CSNK1D: variants seen among roughly 807,000 people sequenced by gnomAD.
CSNK1D encodes casein kinase I isoform delta.
A neutral mutation model predicts 46.6 loss-of-function variants in CSNK1D; 16 were observed. The observed-to-expected ratio is 0.34, with a 90% CI of 0.23 to 0.52. The LOEUF (loss-of-function observed/expected upper bound fraction) is 0.52. Ranked by LOEUF, CSNK1D falls within the 20% of genes least tolerant of loss-of-function variation. CSNK1D has a pLI of 0.95. For synonymous variants in CSNK1D, 276 were observed against 228.2 expected, an observed-to-expected ratio of 1.21 and a Z score of -1.89; for missense variants, 398 against 578.4, an observed-to-expected ratio of 0.69 and a Z score of 3.20.
At position 82,251,926 on chromosome 17, in the gene CSNK1D, G is replaced by A. The variant is rs1488747572; in HGVS notation, c.737-399C>T. 4.0e-5 allele frequency: 13 copies of A among 323,978 alleles called. No individual in the cohort carries two copies. Among genetic ancestry groups the A allele is most frequent in the East Asian group, 2.5e-4 (3 of 11,988 alleles). 20.1% of individuals were successfully genotyped at this position (323,978 alleles called of 1,614,324 possible). A position where few individuals can be genotyped will look rare whatever the true frequency, so the allele number is the denominator to read the frequency against. On this transcript the variant is annotated intron_variant, in intron 5 of 8. Coordinates refer to ENST00000314028, the MANE Select transcript of CSNK1D (RefSeq NM_001893.6). The surrounding 1 kb of genome is among the most constrained non-coding windows in gnomAD (Gnocchi z 4.5). ...GGAGAATGGTATGAACCCGGGAGGC[G>A]GAGCTTGCAGTGAGCCGAGATCACG...
intron 3 of CSNK1D, chr17:82,253,849 G>A (rs1398783124): frequency 3.4e-5 from 9 of 263,240 alleles, no homozygotes; most frequent in African/African-American, 2.4e-4. Context: ...GGAGCCTCGA[G>A]AAGCCAGTCA....
At chr17:82,253,913 G>C in intron 3 of CSNK1D, 1 of 246,938 alleles carries the variant, frequency 4.0e-6, no homozygotes, top group South Asian at 3.3e-5. Flanking sequence ...GGAGCCTCGA[G>C]AAGCCAGTGA....
chr17:82,253,233 G>A lies in CSNK1D; in HGVS notation c.348C>T (p.Ile116=), dbSNP rs143215247. 4.3e-6 allele frequency: 7 copies of A among 1,613,868 alleles called. No individual in the cohort carries two copies. The highest frequency in any genetic ancestry group is 5.9e-6 in the Non-Finnish European group (7 of 1,179,872). Residue 116 remains isoleucine, a synonymous_variant, in exon 4 of 9, where the codon ATC becomes ATT. Transcript: ENST00000314028. ...TGAAGTTCTTTGAATGAATGTATTC[G>A]ATGCGACTGATCTGTGAGCAGAGCA... ...LLLADQMISR[I]EYIHSKNFIH...
rs1227746999 is a variant in CSNK1D, at chr17:82,250,292, C to T, written c.886-690G>A. ...TCCTGCAAGTACAGCTCATTGGACA[C>T]AGCCACGTTCACCAGGCAACACACA... On this transcript the variant is annotated intron_variant, in intron 6 of 8. Transcript: ENST00000314028. The surrounding 1 kb of genome is among the most constrained non-coding windows in gnomAD (Gnocchi z 4.6). 1 of 992,958 alleles carries T rather than the reference C, an allele frequency of 1.0e-6. No homozygotes were observed. Among genetic ancestry groups the T allele is most frequent in the African/African-American group, 1.7e-5 (1 of 59,872 alleles). The allele number at this position is 992,958 out of a possible 1,614,324, so 61.5% of individuals were successfully genotyped here.
downstream of CSNK1D, among the ~76,000 whole-genome samples, chr17:82,241,255 G>C (rs113161714): frequency 9.6e-4 from 146 of 152,088 alleles, 1 homozygote; most frequent in African/African-American, 3.2e-3. Flanking sequence ...CCTGTGCCGG[G>C]GGAGGTGGCG....
rs2050777526 is a variant in CSNK1D at position 82,243,507 on chromosome 17, G to A, written c.*1274C>T. 4.1e-6 allele frequency: 4 copies of A among 985,490 alleles called. No individual in the cohort carries two copies. Among genetic ancestry groups the A allele is most frequent in the Admixed American group, 6.1e-5 (1 of 16,284 alleles). The allele number at this position is 985,490 out of a possible 1,614,324, so 61.0% of individuals were successfully genotyped here. ...TCACGGAGGCCACCTGCCTTCTGGT[G>A]GGACTCGGCCCCACGCACGCTGCTT... is the stretch of plus-strand genomic sequence containing the variant. On this transcript the variant is annotated 3_prime_UTR_variant, in exon 9 of 9. Coordinates refer to ENST00000314028, the MANE Select transcript of CSNK1D (RefSeq NM_001893.6).
At chr17:82,245,971 C>T (rs2050840670) in intron 8 of CSNK1D, 3 of 1,601,174 alleles carry the variant, frequency 1.9e-6, no homozygotes, top group Admixed American at 1.7e-5. Context: ...CACGCGCACA[C>T]TCACCCAGTG....
At chr17:82,242,220 G>C (rs1019283830), downstream of CSNK1D, among the ~76,000 whole-genome samples, 156 of 151,720 alleles carry the variant, frequency 1.0e-3, no homozygotes, top group African/African-American at 3.4e-3. Context: ...TCTGGGGGGG[G>C]GGGGAAGAGG....
At position 82,249,691 on chromosome 17, in the gene CSNK1D, T is replaced by C; in HGVS notation, c.886-89A>G. The C allele has an allele frequency of 6.5e-7, 1 of 1,531,698 alleles. No homozygotes were observed. The highest frequency in any genetic ancestry group is 8.7e-7 in the Non-Finnish European group (1 of 1,144,948). 94.9% of individuals were successfully genotyped at this position (1,531,698 alleles called of 1,614,324 possible). ...AGGCTGCCCCGGCCACGTGAGAAAATACCTACCAAAGGGCACTGGGACGAG... is the reference window on the plus strand; with the variant it reads ...AGGCTGCCCCGGCCACGTGAGAAAACACCTACCAAAGGGCACTGGGACGAG... On this transcript the variant is annotated intron_variant, in intron 6 of 8. Coordinates refer to ENST00000314028, the MANE Select transcript of CSNK1D (RefSeq NM_001893.6). This position sits in a 1 kb window ranked among gnomAD's most constrained non-coding sequence, Gnocchi z 6.7.
At position 82,242,808 on chromosome 17, in the gene CSNK1D, G is replaced by A. The variant is rs979609853; in HGVS notation, c.*1973C>T. The A allele has an allele frequency of 6.1e-6, 6 of 985,340 alleles. No individual in the cohort carries two copies. Among genetic ancestry groups the A allele is most frequent in the Admixed American group, 6.1e-5 (1 of 16,268 alleles). The allele number at this position is 985,340 out of a possible 1,614,324, so 61.0% of individuals were successfully genotyped here. A position where few individuals can be genotyped will look rare whatever the true frequency, so the allele number is the denominator to read the frequency against. ...CCTACCTACGTCTCCTGCACGGGGC[G>A]ACGGGGACTAGATACTGGGCAAGGA... is the stretch of plus-strand genomic sequence containing the variant. On this transcript the variant is annotated 3_prime_UTR_variant, in exon 9 of 9. Coordinates refer to ENST00000314028, the MANE Select transcript of CSNK1D (RefSeq NM_001893.6).
At position 82,243,422 on chromosome 17, in the gene CSNK1D, G is replaced by C; in HGVS notation, c.*1359C>G. 1 of 985,518 alleles carries C rather than the reference G, an allele frequency of 1.0e-6. No homozygotes were observed. The highest frequency in any genetic ancestry group is 1.2e-6 in the Non-Finnish European group (1 of 829,972). 61.0% of individuals were successfully genotyped at this position (985,518 alleles called of 1,614,324 possible). Reference sequence around the variant, plus strand: ...CCGCCCAAGTGCTGCGGAGTGAGAGGCGAGAAGGCATCCTGGGAACCTCAG... The same window carrying C: ...CCGCCCAAGTGCTGCGGAGTGAGAGCCGAGAAGGCATCCTGGGAACCTCAG... On this transcript the variant is annotated 3_prime_UTR_variant, in exon 9 of 9. Transcript: ENST00000314028.
chr17:82,248,378 G>C lies in CSNK1D; in HGVS notation c.1197+497C>G, dbSNP rs1246723352. 1 of 1,001,696 alleles carries C rather than the reference G, an allele frequency of 1.0e-6. No homozygotes were observed. Among genetic ancestry groups the C allele is most frequent in the Non-Finnish European group, 1.2e-6 (1 of 838,666 alleles). 62.1% of individuals were successfully genotyped at this position (1,001,696 alleles called of 1,614,324 possible). On this transcript the variant is annotated intron_variant, in intron 8 of 8. Transcript: ENST00000314028. This position sits in a 1 kb window ranked among gnomAD's most constrained non-coding sequence, Gnocchi z 4.1. ...TTCTCGTCCAAGGGAAGACAGGTGAGGCCGTCAAAAGAAGGAAAGCCTCGT... is the reference window on the plus strand; with the variant it reads ...TTCTCGTCCAAGGGAAGACAGGTGACGCCGTCAAAAGAAGGAAAGCCTCGT...
At chr17:82,239,996 G>A (rs1052955770), downstream of CSNK1D, 137 of 1,233,578 alleles carry the variant, frequency 1.1e-4, no homozygotes, top group Admixed American at 1.7e-4. Flanking sequence ...CGTCGTGGGC[G>A]CTGGGGACGG....
intron 3 of CSNK1D, chr17:82,254,421 C>T (rs2051107793): frequency 1.2e-5 from 3 of 259,532 alleles, no homozygotes; most frequent in African/African-American, 3.0e-5. Flanking sequence ...TCAGCTGAGC[C>T]GCCGGAGCCT....
rs1041683120 is a variant in CSNK1D, at chr17:82,246,485, T to G, written c.1198-1654A>C. 1.2e-5 allele frequency: 13 copies of G among 1,096,070 alleles called. No individual in the cohort carries two copies. The South Asian group carries it at 1.2e-4, about 10-fold the overall frequency. The allele number at this position is 1,096,070 out of a possible 1,614,324, so 67.9% of individuals were successfully genotyped here. On this transcript the variant is annotated intron_variant, in intron 8 of 8. Coordinates refer to ENST00000314028, the MANE Select transcript of CSNK1D (RefSeq NM_001893.6). ...CATCGACTGTTGGAATGACAAGGCCTTCTTCTCACCAAGTAAAAACCCCAA... is the reference window on the plus strand; with the variant it reads ...CATCGACTGTTGGAATGACAAGGCCGTCTTCTCACCAAGTAAAAACCCCAA...
chr17:82,267,502 G>A (rs2051507843), intron 1 of CSNK1D, among the ~76,000 whole-genome samples: 1 of 152,042 alleles, frequency 6.6e-6, no homozygotes, highest in African/African-American at 2.4e-5. Context: ...CACAGGAATC[G>A]CCACCACCGG....
At chr17:82,245,661 G>T in intron 8 of CSNK1D, 1 of 398,692 alleles carries the variant, frequency 2.5e-6, no homozygotes, top group Non-Finnish European at 4.8e-6. Flanking sequence ...TGCCACTCCT[G>T]CCTCACGGGT....
intron 8 of CSNK1D, chr17:82,245,038 G>C (rs1365620971): frequency 1.5e-6 from 1 of 673,634 alleles, no homozygotes; most frequent in Admixed American, 2.4e-5. Flanking sequence ...CGGGAAGGAG[G>C]AAGAGGCATG....
intron 2 of CSNK1D, chr17:82,265,358 T>C (rs1349184396): frequency 5.5e-6 from 2 of 361,584 alleles, no homozygotes; most frequent in East Asian, 1.4e-4. Context: ...TTTGTATTTT[T>C]AGTAGAGACG....
Sources: gnomAD v4.1 joint callset for allele counts (sites outside exome capture counted in the v4.1 genomes callset) on GRCh38, gnomAD v4.1.1 for gene constraint, Gnocchi (gnomAD v3.1) non-coding constraint, MANE v1.5 for transcripts, NCBI Gene and HGNC (gene_info 2026-07-23, HGNC 2026-07-21) for gene names.